Variants in CHRM3 observed in about 807,000 individuals in gnomAD.
CHRM3 encodes cholinergic receptor muscarinic 3.
CHRM3 carries 11 observed loss-of-function variants against 41.8 expected under a neutral mutation model. That is an observed-to-expected ratio of 0.26 (90% CI 0.17 to 0.44). The LOEUF (loss-of-function observed/expected upper bound fraction) is 0.44. Ranked by LOEUF, CHRM3 falls within the 20% of genes least tolerant of loss-of-function variation. The pLI is 1.00. For synonymous variants in CHRM3, 297 were observed against 301.4 expected (o/e 0.99, Z 0.15); for missense variants, 571 against 745.4 (o/e 0.77, Z 2.72).
chr1:239,488,685 A>G (rs1368271553), intron 1 of CHRM3, among the ~76,000 whole-genome samples: 1 of 121,634 alleles, frequency 8.2e-6, no homozygotes, highest in Non-Finnish European at 1.6e-5. Context: ...ACTGCACTCC[A>G]GCCTGGATGA....
intron 5 of CHRM3, among the ~76,000 whole-genome samples, chr1:239,784,913 T>A (rs1241438430): frequency 1.3e-5 from 2 of 152,234 alleles, no homozygotes; most frequent in Non-Finnish European, 2.9e-5. Flanking sequence ...GATTTTAGTT[T>A]AGGCTTTTTA....
intron 5 of CHRM3, among the ~76,000 whole-genome samples, chr1:239,724,157 G>A (rs1663227462): frequency 6.6e-6 from 1 of 151,704 alleles, no homozygotes; most frequent in Non-Finnish European, 1.5e-5. Flanking sequence ...GACTTGGTAA[G>A]AATGTTGACT....
At chr1:239,512,515 T>A (rs1668990374) in intron 2 of CHRM3, among the ~76,000 whole-genome samples, 1 of 152,152 alleles carries the variant, frequency 6.6e-6, no homozygotes, top group Non-Finnish European at 1.5e-5. Flanking sequence ...AGAACTTCAG[T>A]GTTGTTAGGA....
At chr1:239,634,272 A>G (rs1670194784) in intron 4 of CHRM3, among the ~76,000 whole-genome samples, 1 of 152,144 alleles carries the variant, frequency 6.6e-6, no homozygotes. Context: ...ACTTTCTATT[A>G]TATTTTGCAT....
At chr1:239,832,637 G>T (rs1046610288) in intron 6 of CHRM3, among the ~76,000 whole-genome samples, 2 of 151,890 alleles carry the variant, frequency 1.3e-5, no homozygotes, top group African/African-American at 4.8e-5. Context: ...AAGAACAGCT[G>T]CTCCATAGAC....
At chr1:239,802,479 CT>C (rs1180522598) in intron 5 of CHRM3, among the ~76,000 whole-genome samples, 1 of 152,188 alleles carries the variant, frequency 6.6e-6, no homozygotes, top group Non-Finnish European at 1.5e-5. Context: ...CATCAAAAGG[CT>C]TCTCAGTGCC....
intron 6 of CHRM3, among the ~76,000 whole-genome samples, chr1:239,886,909 C>A (rs1018154283): frequency 1.4e-4 from 22 of 152,268 alleles, no homozygotes; most frequent in African/African-American, 4.6e-4. Flanking sequence ...ATCAAAGCGA[C>A]CTTTTCTTTG....
At chr1:239,535,027 C>T (rs1033365224) in intron 2 of CHRM3, among the ~76,000 whole-genome samples, 1 of 152,206 alleles carries the variant, frequency 6.6e-6, no homozygotes, top group Non-Finnish European at 1.5e-5. Flanking sequence ...GAGTCCCTGC[C>T]CTCAGGCAGC....
At chr1:239,638,476 C>T (rs2148904502) in intron 4 of CHRM3, among the ~76,000 whole-genome samples, 1 of 152,232 alleles carries the variant, frequency 6.6e-6, no homozygotes, top group South Asian at 2.1e-4. Flanking sequence ...GAGATGTTAT[C>T]TCATTGTGGT....
At chr1:239,413,338 G>A (rs1661256984) in intron 1 of CHRM3, among the ~76,000 whole-genome samples, 1 of 152,042 alleles carries the variant, frequency 6.6e-6, no homozygotes, top group Non-Finnish European at 1.5e-5. Flanking sequence ...CGCCCAGGCT[G>A]GAGTGCAGTG....
In CHRM3 at chr1:239,873,360, T is replaced by A. The variant is rs1676760892; in HGVS notation, c.-19-34073T>A. ...GAAACTTTCTCTTTTTTTTTATTTA[T>A]TTTTATTATACTTTAAGTTCTGGGG... is the stretch of plus-strand genomic sequence containing the variant. On this transcript the variant is annotated intron_variant, in intron 6 of 6. Transcript: ENST00000676153. Among the ~76,000 whole-genome samples, 3 of 152,234 alleles carry A rather than the reference T, an allele frequency of 2.0e-5. No homozygotes were observed. The South Asian group carries it at 6.2e-4, about 32-fold the overall frequency.
At chr1:239,490,687 G>T (rs1667497370) in intron 1 of CHRM3, among the ~76,000 whole-genome samples, 1 of 151,886 alleles carries the variant, frequency 6.6e-6, no homozygotes. Context: ...TCAGCTACCT[G>T]GGTAGCTGGG....
intron 1 of CHRM3, among the ~76,000 whole-genome samples, chr1:239,455,924 G>A (rs1266306834): frequency 6.6e-6 from 1 of 152,194 alleles, no homozygotes; most frequent in Non-Finnish European, 1.5e-5. Context: ...GGGATGACAA[G>A]CATTGACAAG....
chr1:239,612,042 A>T, intron 3 of CHRM3, among the ~76,000 whole-genome samples: 1 of 152,226 alleles, frequency 6.6e-6, no homozygotes, highest in East Asian at 1.9e-4. Context: ...TCTGCCTTTA[A>T]TCTAGCTCTC....
intron 1 of CHRM3, among the ~76,000 whole-genome samples, chr1:239,438,063 G>A (rs550464238): frequency 9.8e-4 from 149 of 152,260 alleles, no homozygotes; most frequent in Admixed American, 1.5e-3. Flanking sequence ...CTAAAGCTCA[G>A]CAATGACTTC....
chr1:239,799,150 TG>T lies in CHRM3; in HGVS notation c.-146-28101del, dbSNP rs146625780. Among the ~76,000 whole-genome samples, 109 of 152,148 alleles carry T rather than the reference TG, an allele frequency of 7.2e-4. 1 individual carries two copies. In the East Asian group the frequency reaches 0.021, roughly 29 times the overall value. On this transcript the variant is annotated intron_variant, in intron 5 of 6. Coordinates refer to ENST00000676153, the MANE Select transcript of CHRM3 (RefSeq NM_001375978.1). ...AGAGAGAATGTTAAAAAGAGAAAATTGTTTCAAATATTGGAGTAAAGTCTTA... is the reference window on the plus strand; with the variant it reads ...AGAGAGAATGTTAAAAAGAGAAAATTTTTCAAATATTGGAGTAAAGTCTTA...
intron 5 of CHRM3, among the ~76,000 whole-genome samples, chr1:239,727,138 G>A (rs12117703): frequency 0.05 from 7,639 of 151,900 alleles, 221 homozygotes; most frequent in East Asian, 0.074. Flanking sequence ...CACTAACAAT[G>A]TGCTTGACAC....
chr1:239,651,387 A>G (rs1208056282), intron 4 of CHRM3, among the ~76,000 whole-genome samples: 1 of 152,132 alleles, frequency 6.6e-6, no homozygotes, highest in African/African-American at 2.4e-5. Flanking sequence ...TACCCAAAAC[A>G]ATGTTGTTTC....
chr1:239,893,808 G>GT (rs960927304), intron 6 of CHRM3, among the ~76,000 whole-genome samples: 3 of 150,952 alleles, frequency 2.0e-5, no homozygotes, highest in Non-Finnish European at 4.4e-5. Flanking sequence ...AAATTGTAGG[G>GT]TTTTTTTCTC....
Sources: gnomAD v4.1 joint callset for allele counts (sites outside exome capture counted in the v4.1 genomes callset) on GRCh38, gnomAD v4.1.1 for gene constraint, MANE v1.5 for transcripts, NCBI Gene and HGNC (gene_info 2026-07-23, HGNC 2026-07-21) for gene names.